HIVEP3: variants seen among roughly 807,000 people sequenced by gnomAD.
HIVEP3 encodes the protein HIVEP zinc finger 3, also known as transcription factor HIVEP3.
A neutral mutation model predicts 152.8 loss-of-function variants in HIVEP3; 49 were observed. That is an observed-to-expected ratio of 0.32 (90% CI 0.26 to 0.41). The LOEUF (loss-of-function observed/expected upper bound fraction) is 0.41. HIVEP3 is among the 10% of genes least tolerant of loss of function. The pLI is 1.00. For missense variants in HIVEP3, 2,790 were observed against 3,103.3 expected (o/e 0.90, Z 2.40); for synonymous variants, 1,269 against 1,289.0 (o/e 0.98, Z 0.33).
chr1:41,655,777 G>A (rs1000250887), intron 2 of HIVEP3, among the ~76,000 whole-genome samples: 1 of 151,974 alleles, frequency 6.6e-6, no homozygotes, highest in African/African-American at 2.4e-5. Flanking sequence ...AGCTCCCTGA[G>A]AGCCCCAGTT....
chr1:41,789,346 G>A (rs143910861), intron 1 of HIVEP3, among the ~76,000 whole-genome samples: 36 of 152,326 alleles, frequency 2.4e-4, no homozygotes, highest in African/African-American at 8.7e-4. Context: ...CAAAGTGACT[G>A]AGGAGGGGAA....
At chr1:41,832,300 G>A (rs918547851) in intron 1 of HIVEP3, among the ~76,000 whole-genome samples, 25 of 152,168 alleles carry the variant, frequency 1.6e-4, no homozygotes, top group African/African-American at 5.6e-4. Flanking sequence ...GGCCAAGGTG[G>A]GAGGATCACA....
At chr1:41,679,681 C>G (rs1418961619) in intron 2 of HIVEP3, among the ~76,000 whole-genome samples, 1 of 152,222 alleles carries the variant, frequency 6.6e-6, no homozygotes, top group Non-Finnish European at 1.5e-5. Flanking sequence ...CTGCTTGGCT[C>G]CAGACTCTCA....
intron 1 of HIVEP3, among the ~76,000 whole-genome samples, chr1:42,004,433 T>A (rs1022388811): frequency 3.3e-5 from 5 of 152,170 alleles, no homozygotes; most frequent in Admixed American, 2.6e-4. Context: ...TCATTACTTT[T>A]GTATATCACC....
At chr1:41,859,615 G>A (rs1643862811) in intron 1 of HIVEP3, among the ~76,000 whole-genome samples, 1 of 152,140 alleles carries the variant, frequency 6.6e-6, no homozygotes, top group African/African-American at 2.4e-5. Flanking sequence ...GGACATTTGG[G>A]ATTTTTAAGG....
intron 1 of HIVEP3, among the ~76,000 whole-genome samples, chr1:41,780,259 T>G: frequency 6.8e-6 from 1 of 147,720 alleles, no homozygotes; most frequent in Non-Finnish European, 1.5e-5. Flanking sequence ...GTCGTGGGAT[T>G]TGTGGGGCGT....
chr1:42,030,894 T>C (rs955728258), intron 1 of HIVEP3, among the ~76,000 whole-genome samples: 7 of 152,168 alleles, frequency 4.6e-5, no homozygotes, highest in African/African-American at 1.7e-4. Context: ...TGTTTAAAAT[T>C]TTACATAATG....
rs901217929 is a variant in HIVEP3, at chr1:41,513,715, G to A, written c.5506C>T (p.Arg1836Ter). 2 of 1,589,258 alleles carry A rather than the reference G, an allele frequency of 1.3e-6. No homozygotes were observed. The highest frequency in any genetic ancestry group is 1.3e-5 in the African/African-American group (1 of 74,202). The change falls in exon 8 of 9, where the codon CGA becomes TGA. Residue 1836 changes from arginine (R) to a stop codon, truncating the protein, a stop_gained. Coordinates refer to ENST00000372583, the MANE Select transcript of HIVEP3 (RefSeq NM_024503.5). LOFTEE classifies it high-confidence loss of function. ...SDDLFQDSEG[R>*]EGSEAVEEHQ... ...TCCTCCACAGCCTCTGAACCCTCTCGTCCTTCCGAGTCCTGGAACAGGTCG... is the reference window on the plus strand; with the variant it reads ...TCCTCCACAGCCTCTGAACCCTCTCATCCTTCCGAGTCCTGGAACAGGTCG...
At position 41,659,747 on chromosome 1, in the gene HIVEP3, T is replaced by C. The variant is rs76588238; in HGVS notation, c.-720-30800A>G. 4.1e-4 allele frequency among the ~76,000 whole-genome samples: 63 copies of C among 152,220 alleles called. No individual in the cohort carries two copies. In the East Asian group the frequency reaches 0.011, roughly 28 times the overall value. On this transcript the variant is annotated intron_variant, in intron 2 of 8. Coordinates refer to ENST00000372583, the MANE Select transcript of HIVEP3 (RefSeq NM_024503.5). ...GCAATAGTCGGCCAATATCCACAAA[T>C]ATGGCAGAAAATGGAAGAAACTGGG...
intron 1 of HIVEP3, among the ~76,000 whole-genome samples, chr1:42,030,666 C>T (rs1570903412): frequency 6.6e-6 from 1 of 152,292 alleles, no homozygotes; most frequent in Non-Finnish European, 1.5e-5. Context: ...ATCGGTTTTC[C>T]TCCGGGGAGG....
intron 2 of HIVEP3, among the ~76,000 whole-genome samples, chr1:41,638,272 A>G: frequency 6.6e-6 from 1 of 151,280 alleles, no homozygotes; most frequent in African/African-American, 2.4e-5. Context: ...GAAAGAAAGA[A>G]AGAAAGAAAG....
At chr1:41,910,615 C>T (rs912305672) in intron 1 of HIVEP3, among the ~76,000 whole-genome samples, 6 of 151,516 alleles carry the variant, frequency 4.0e-5, no homozygotes, top group Non-Finnish European at 7.4e-5. Flanking sequence ...ATTTTATTAG[C>T]AAAAAAACCT....
At chr1:41,731,128 G>A (rs1416941241) in intron 1 of HIVEP3, among the ~76,000 whole-genome samples, 1 of 152,174 alleles carries the variant, frequency 6.6e-6, no homozygotes, top group East Asian at 1.9e-4. Context: ...CGGGAAAAAG[G>A]TGTACTGCGT....
At chr1:41,706,436 C>T (rs941161273) in intron 1 of HIVEP3, among the ~76,000 whole-genome samples, 10 of 152,258 alleles carry the variant, frequency 6.6e-5, no homozygotes, top group African/African-American at 2.4e-4. Flanking sequence ...TGTGCACCAC[C>T]ACACCTCGCT....
intron 3 of HIVEP3, among the ~76,000 whole-genome samples, chr1:41,590,669 G>T (rs1228154309): frequency 6.6e-6 from 1 of 152,176 alleles, no homozygotes; most frequent in Non-Finnish European, 1.5e-5. Flanking sequence ...CTCATCCAGG[G>T]GATTGGAGTG....
chr1:41,693,043 T>C (rs1646220206), intron 2 of HIVEP3, among the ~76,000 whole-genome samples: 1 of 152,214 alleles, frequency 6.6e-6, no homozygotes, highest in Non-Finnish European at 1.5e-5. Context: ...GGTATTATTA[T>C]GCCCACTTTG....
intron 3 of HIVEP3, among the ~76,000 whole-genome samples, chr1:41,596,267 G>A (rs1558101461): frequency 2.6e-5 from 4 of 152,228 alleles, no homozygotes; most frequent in Non-Finnish European, 5.9e-5. Flanking sequence ...GGTCCCCATG[G>A]GGTGGGCAAG....
chr1:41,982,518 C>T (rs1262270354), intron 1 of HIVEP3, among the ~76,000 whole-genome samples: 1 of 151,998 alleles, frequency 6.6e-6, no homozygotes, highest in African/African-American at 2.4e-5. Flanking sequence ...TTATGTAATG[C>T]TTTCAGTTTT....
At chr1:41,717,720 T>C (rs1646615591) in intron 1 of HIVEP3, among the ~76,000 whole-genome samples, 2 of 152,188 alleles carry the variant, frequency 1.3e-5, no homozygotes, top group Admixed American at 6.5e-5. Flanking sequence ...TGCAGATCAG[T>C]GGCTGAGCAG....
Sources: gnomAD v4.1 joint callset for allele counts (sites outside exome capture counted in the v4.1 genomes callset) on GRCh38, gnomAD v4.1.1 for gene constraint, MANE v1.5 for transcripts, NCBI Gene and HGNC (gene_info 2026-07-23, HGNC 2026-07-21) for gene names.